The following SUPT3H variants were observed in gnomAD, a reference collection of about 807,000 sequenced individuals.
SUPT3H encodes transcription initiation protein SPT3 homolog.
SUPT3H carries 44 observed loss-of-function variants against 44.3 expected under a neutral mutation model. The observed-to-expected ratio is 0.99, with a 90% CI of 0.78 to 1.28. The LOEUF (loss-of-function observed/expected upper bound fraction) is 1.28, where lower values mean the gene tolerates loss of function less well. SUPT3H is among the 50% of genes most tolerant of loss of function. The pLI, the probability that SUPT3H is intolerant of heterozygous loss-of-function variation, is 0.00. For synonymous variants in SUPT3H, 124 were observed against 125.6 expected (o/e 0.99, Z 0.09); for missense variants, 380 against 387.1 (o/e 0.98, Z 0.15).
intron 2 of SUPT3H, among the ~76,000 whole-genome samples, chr6:45,157,641 C>T (rs1424116443): frequency 2.6e-5 from 4 of 151,770 alleles, no homozygotes; most frequent in South Asian, 4.2e-4. Context: ...CTCCAGCTCC[C>T]GGGTTGAAGC....
chr6:44,867,434 G>A (rs189991371), intron 10 of SUPT3H, among the ~76,000 whole-genome samples: 41 of 151,936 alleles, frequency 2.7e-4, no homozygotes, highest in Admixed American at 5.2e-4. Flanking sequence ...CACAATAAAG[G>A]GCTACCAAAT....
intron 2 of SUPT3H, among the ~76,000 whole-genome samples, chr6:45,281,207 A>AC (rs1335728986): frequency 6.6e-6 from 1 of 152,186 alleles, no homozygotes; most frequent in Non-Finnish European, 1.5e-5. Context: ...CAACTGAGGT[A>AC]CCGGTTCATC....
chr6:45,080,433 G>T (rs921568997), intron 3 of SUPT3H, among the ~76,000 whole-genome samples: 1 of 152,038 alleles, frequency 6.6e-6, no homozygotes, highest in Non-Finnish European at 1.5e-5. Context: ...ATATACCTCT[G>T]CTAGGTATAT....
At chr6:44,931,771 C>T (rs1582578326) in intron 10 of SUPT3H, among the ~76,000 whole-genome samples, 1 of 151,824 alleles carries the variant, frequency 6.6e-6, no homozygotes, top group Non-Finnish European at 1.5e-5. Context: ...TTTAACTAAA[C>T]ATAAGGAAAA....
chr6:45,267,363 T>C (rs1427427344), intron 2 of SUPT3H, among the ~76,000 whole-genome samples: 1 of 152,240 alleles, frequency 6.6e-6, no homozygotes, highest in Non-Finnish European at 1.5e-5. Flanking sequence ...AAGGAAAATA[T>C]TTAATTCTCT....
intron 2 of SUPT3H, among the ~76,000 whole-genome samples, chr6:45,282,657 C>A (rs1000218930): frequency 6.6e-6 from 1 of 152,232 alleles, no homozygotes; most frequent in African/African-American, 2.4e-5. Flanking sequence ...TTGGAAAACA[C>A]TCTGCAGGAT....
At chr6:45,228,794 C>T (rs1322111655) in intron 2 of SUPT3H, among the ~76,000 whole-genome samples, 1 of 152,078 alleles carries the variant, frequency 6.6e-6, no homozygotes, top group East Asian at 1.9e-4. Flanking sequence ...CATGCACCAT[C>T]ACACCAGGCT....
rs1787988943 is a variant in SUPT3H, at chr6:45,038,294, C to T, written c.187-17662G>A. Among the ~76,000 whole-genome samples, 3 of 152,202 alleles carry T rather than the reference C, an allele frequency of 2.0e-5. No homozygotes were observed. In the South Asian group the frequency reaches 6.2e-4, roughly 32 times the overall value. ...GTACTCAAATTAATTCATCAAGGTC[C>T]TCCAAAAATCAAAGTACTTTCTTCT... On this transcript the variant is annotated intron_variant, in intron 3 of 10. Transcript: ENST00000371459.
chr6:45,008,515 T>C (rs1240350604), intron 5 of SUPT3H, among the ~76,000 whole-genome samples: 2 of 151,904 alleles, frequency 1.3e-5, no homozygotes, highest in Non-Finnish European at 2.9e-5. Context: ...CCACTGAGAC[T>C]GGCTAATTAA....
At chr6:45,053,740 CAAAA>C (rs57736879) in intron 3 of SUPT3H, among the ~76,000 whole-genome samples, 11 of 59,440 alleles carry the variant, frequency 1.9e-4, no homozygotes, top group Admixed American at 2.2e-4. Flanking sequence ...ACTAAAAATA[CAAAA>C]AAAAAAAAAA....
At chr6:45,060,906 T>C (rs1199355784) in intron 3 of SUPT3H, among the ~76,000 whole-genome samples, 3 of 152,178 alleles carry the variant, frequency 2.0e-5, no homozygotes, top group Non-Finnish European at 4.4e-5. Flanking sequence ...AGATACTATC[T>C]CATGCCAGTC....
intron 7 of SUPT3H, among the ~76,000 whole-genome samples, chr6:44,960,280 G>A (rs1239952353): frequency 2.6e-5 from 4 of 151,546 alleles, no homozygotes; most frequent in Admixed American, 1.3e-4. Context: ...GGTGGTGCAC[G>A]CCTGTAGTCC....
chr6:45,343,242 G>C (rs1790181809), intron 2 of SUPT3H, among the ~76,000 whole-genome samples: 1 of 151,910 alleles, frequency 6.6e-6, no homozygotes, highest in Non-Finnish European at 1.5e-5. Flanking sequence ...GGGTGCAGTG[G>C]CTCACACCTG....
intron 2 of SUPT3H, among the ~76,000 whole-genome samples, chr6:45,271,153 G>A (rs549691264): frequency 1.3e-5 from 2 of 152,174 alleles, no homozygotes; most frequent in African/African-American, 2.4e-5. Flanking sequence ...CTGACAATGC[G>A]ACTGAAAAGA....
intron 2 of SUPT3H, among the ~76,000 whole-genome samples, chr6:45,234,526 G>A (rs2153642366): frequency 1.3e-5 from 1 of 77,594 alleles, no homozygotes; most frequent in African/African-American, 4.0e-5. Flanking sequence ...ACGAGACGCT[G>A]TCACAAAAAA....
chr6:45,113,242 A>G (rs1800339938), intron 2 of SUPT3H, among the ~76,000 whole-genome samples: 1 of 152,136 alleles, frequency 6.6e-6, no homozygotes, highest in Non-Finnish European at 1.5e-5. Flanking sequence ...TAGTCAGCTA[A>G]ACTAGTACTA....
chr6:44,913,764 A>G (rs1196430582), intron 10 of SUPT3H, among the ~76,000 whole-genome samples: 1 of 152,176 alleles, frequency 6.6e-6, no homozygotes, highest in East Asian at 1.9e-4. Context: ...TGTCCATATT[A>G]TTCTGCTACT....
At chr6:45,160,086 G>GC in intron 2 of SUPT3H, among the ~76,000 whole-genome samples, 1 of 152,232 alleles carries the variant, frequency 6.6e-6, no homozygotes, top group South Asian at 2.1e-4. Flanking sequence ...ATAAAGCATA[G>GC]CATGTACCTC....
At chr6:45,030,479 A>G (rs1248165977) in intron 3 of SUPT3H, among the ~76,000 whole-genome samples, 1 of 152,160 alleles carries the variant, frequency 6.6e-6, no homozygotes, top group Admixed American at 6.6e-5. Flanking sequence ...TATAACATGT[A>G]AGAGACTGAA....
Sources: allele counts gnomAD v4.1 joint callset (sites outside exome capture counted in the v4.1 genomes callset), GRCh38; gene constraint gnomAD v4.1.1; transcripts MANE v1.5; gene names NCBI Gene and HGNC (gene_info 2026-07-23, HGNC 2026-07-21).